RNASE10: variants seen among roughly 807,000 people sequenced by gnomAD.
The protein encoded by RNASE10 is inactive ribonuclease-like protein 10.
Under a neutral mutation model 1.1 loss-of-function variants are expected in RNASE10, and 2 were observed. The observed-to-expected ratio is 1.82, with a 90% CI of 0.74 to 5.73. The LOEUF (loss-of-function observed/expected upper bound fraction) is 5.73. Ranked by LOEUF, RNASE10 falls within the 30% of genes most tolerant of loss-of-function variation. RNASE10 has a pLI of 0.05. For missense variants in RNASE10, 276 were observed against 263.4 expected, an observed-to-expected ratio of 1.05 and a Z score of -0.33; for synonymous variants, 97 against 96.2, an observed-to-expected ratio of 1.01 and a Z score of -0.05.
chr14:20,510,578 A>T (rs1246769464), exon 2 of RNASE10: 1 of 1,614,128 alleles, frequency 6.2e-7, no homozygotes, highest in Admixed American at 1.7e-5. Context: ...GTCTTGGAGG[A>T]GAGTGATCAA....
chr14:20,510,964 A>T lies in RNASE10; in HGVS notation c.577A>T (p.Lys193Ter). Residue 193 changes from lysine to a stop codon, truncating the protein, a stop_gained, in exon 2 of 2, where the codon AAA becomes TAA. Transcript: ENST00000430083. LOFTEE classifies it low-confidence loss of function (END_TRUNC). ...CATTGCCTGTGAGCTCAAGGGGGGA[A>T]AATGTCACAAAAGCTCCCGACCTTT... 3.7e-6 allele frequency: 6 copies of T among 1,605,310 alleles called. No individual in the cohort carries two copies. Among genetic ancestry groups the T allele is most frequent in the Non-Finnish European group, 5.1e-6 (6 of 1,173,562 alleles).
intron 1 of RNASE10, among the ~76,000 whole-genome samples, chr14:20,507,102 T>TCTGGGAGGTGTGCC (rs1419328994): frequency 6.7e-6 from 1 of 149,670 alleles, no homozygotes; most frequent in Non-Finnish European, 1.5e-5. Context: ...CAGGACCCCG[T>TCTGGGAGGTGTGCC]CTGGGAGGTG....
intron 1 of RNASE10, among the ~76,000 whole-genome samples, chr14:20,508,471 C>T (rs1882809005): frequency 6.6e-6 from 1 of 152,198 alleles, no homozygotes; most frequent in African/African-American, 2.4e-5. Context: ...AGACACCACC[C>T]ACCCATTAGC....
chr14:20,510,955 A>G, exon 2 of RNASE10: 2 of 1,606,778 alleles, frequency 1.2e-6, no homozygotes, highest in Non-Finnish European at 1.7e-6. Context: ...CTGTGAGCTC[A>G]AGGGGGGAAA....
At chr14:20,505,117 A>G (rs192860652), upstream of RNASE10, among the ~76,000 whole-genome samples, 543 of 152,000 alleles carry the variant, frequency 3.6e-3, 5 homozygotes, top group African/African-American at 0.012. Context: ...GTCTCAGCCA[A>G]TGCTGTAGGG....
chr14:20,505,259 TTGCTCCCTCTCC>T (rs1882662337), upstream of RNASE10, among the ~76,000 whole-genome samples: 1 of 80,012 alleles, frequency 1.2e-5, no homozygotes, highest in African/African-American at 5.7e-5. Flanking sequence ...AAAAGTGAGT[TTGCTCCCTCTCC>T]CTCTCCCTCT....
At chr14:20,511,519 C>T (rs1382469640), downstream of RNASE10, among the ~76,000 whole-genome samples, 3 of 152,170 alleles carry the variant, frequency 2.0e-5, no homozygotes, top group Admixed American at 2.0e-4. Context: ...ACATAAGACT[C>T]TTGGGTTTTG....
At chr14:20,511,186 T>C, downstream of RNASE10, 2 of 1,238,052 alleles carry the variant, frequency 1.6e-6, no homozygotes, top group South Asian at 1.9e-5. Context: ...ACTTCTTCTT[T>C]CTCATATAGT....
intron 1 of RNASE10, among the ~76,000 whole-genome samples, chr14:20,509,467 A>C (rs769256392): frequency 6.6e-6 from 1 of 152,248 alleles, no homozygotes; most frequent in Non-Finnish European, 1.5e-5. Flanking sequence ...GACTACTCAG[A>C]TGTTAAGAGA....
At chr14:20,504,603 G>C (rs887873169), upstream of RNASE10, among the ~76,000 whole-genome samples, 1 of 147,688 alleles carries the variant, frequency 6.8e-6, no homozygotes, top group Non-Finnish European at 1.5e-5. Context: ...CAGGAGAATG[G>C]CGTGAACCTG....
chr14:20,506,473 C>A (rs1469386881), intron 1 of RNASE10, among the ~76,000 whole-genome samples: 4 of 131,236 alleles, frequency 3.0e-5, no homozygotes, highest in Admixed American at 7.2e-5. Flanking sequence ...CCAGCCGCCC[C>A]GTCCGGGAGG....
chr14:20,506,430 G>A, intron 1 of RNASE10, among the ~76,000 whole-genome samples: 1 of 129,866 alleles, frequency 7.7e-6, no homozygotes, highest in Non-Finnish European at 1.7e-5. Flanking sequence ...GTCCCGTCCG[G>A]GAGGGGGGAG....
upstream of RNASE10, among the ~76,000 whole-genome samples, chr14:20,504,549 G>T (rs977847168): frequency 2.8e-4 from 43 of 150,908 alleles, no homozygotes; most frequent in African/African-American, 6.6e-4. Context: ...TTAGCCGGGC[G>T]CGGTGGCGGG....
rs1325638228 is a variant in RNASE10 at position 20,511,067 on chromosome 14, AG to A, written c.681del (p.Lys227AsnfsTer5). ...AATTACCTAACTTCTGTTATAAAAA[AG>A]CACATTATTATAACCTGTAATGACA... On this transcript the variant is annotated frameshift_variant, in exon 2 of 2. Transcript: ENST00000430083. LOFTEE classifies it low-confidence loss of function (END_TRUNC). The A allele has an allele frequency of 1.3e-6, 2 of 1,525,062 alleles. No homozygotes were observed. The highest frequency in any genetic ancestry group is 2.2e-5 in the Admixed American group (1 of 46,444). The allele number at this position is 1,525,062 out of a possible 1,614,324, so 94.5% of individuals were successfully genotyped here. A position where few individuals can be genotyped will look rare whatever the true frequency, so the allele number is the denominator to read the frequency against.
intron 1 of RNASE10, among the ~76,000 whole-genome samples, chr14:20,506,622 G>A (rs1882730327): frequency 9.7e-6 from 1 of 103,272 alleles, no homozygotes; most frequent in Non-Finnish European, 2.0e-5. Flanking sequence ...GAGGTGGGGG[G>A]ATCAGCCCCC....
intron 1 of RNASE10, among the ~76,000 whole-genome samples, chr14:20,506,736 G>A (rs1376999280): frequency 1.5e-5 from 2 of 130,162 alleles, no homozygotes; most frequent in East Asian, 2.4e-4. Context: ...CCCCCGCCCG[G>A]CCAGCCGCCC....
In RNASE10 at chr14:20,510,507, G is replaced by C. The variant is rs372751153; in HGVS notation, c.120G>C (p.Leu40Phe). ...ATCTGGTGCAGATCTTTTTCATGTTGCTGATGCTGCTGCTGGGCCTGGGGA... is the reference window on the plus strand; with the variant it reads ...ATCTGGTGCAGATCTTTTTCATGTTCCTGATGCTGCTGCTGGGCCTGGGGA... The change falls in exon 2 of 2, where the codon TTG becomes TTC. Residue 40 changes from leucine (L) to phenylalanine (F), a missense_variant. Coordinates refer to ENST00000430083, the Ensembl canonical transcript of RNASE10. 5 of 1,612,126 alleles carry C rather than the reference G, an allele frequency of 3.1e-6. No individual in the cohort carries two copies. The African/African-American group carries it at 6.7e-5, about 22-fold the overall frequency.
chr14:20,507,979 G>A (rs1383965753), intron 1 of RNASE10, among the ~76,000 whole-genome samples: 1 of 151,982 alleles, frequency 6.6e-6, no homozygotes, highest in Admixed American at 6.6e-5. Flanking sequence ...CAAACTCCGG[G>A]ACTCAAGTGA....
downstream of RNASE10, among the ~76,000 whole-genome samples, chr14:20,513,388 T>G (rs968454313): frequency 2.0e-5 from 3 of 152,084 alleles, no homozygotes; most frequent in African/African-American, 7.2e-5. Flanking sequence ...GGCAGAAAAT[T>G]AACTCACTGT....
Sources: allele counts gnomAD v4.1 joint callset (sites outside exome capture counted in the v4.1 genomes callset), GRCh38; gene constraint gnomAD v4.1.1; transcripts MANE v1.5; gene names NCBI Gene and HGNC (gene_info 2026-07-23, HGNC 2026-07-21).